GPC6: variants seen among roughly 807,000 people sequenced by gnomAD.
GPC6 encodes the protein glypican-6.
In GPC6, 14 loss-of-function variants were observed where a neutral mutation model predicts 55.2. The ratio of observed to expected loss-of-function variants is 0.25; its 90% confidence interval spans 0.17 to 0.40. The LOEUF is 0.40. Among genes scored for constraint, GPC6 ranks in the 10% least tolerant of loss-of-function variants. The pLI, the probability that GPC6 is intolerant of heterozygous loss-of-function variation, is 1.00. For synonymous variants in GPC6, 278 were observed against 259.6 expected, an observed-to-expected ratio of 1.07 and a Z score of -0.68; for missense variants, 641 against 708.5, an observed-to-expected ratio of 0.90 and a Z score of 1.08.
At chr13:94,139,605 TAGAC>T (rs1887304104) in intron 4 of GPC6, among the ~76,000 whole-genome samples, 1 of 152,200 alleles carries the variant, frequency 6.6e-6, no homozygotes, top group African/African-American at 2.4e-5. Context: ...GATGGGAAGT[TAGAC>T]AGTACCCCAC....
chr13:94,249,246 C>T (rs1388410447), intron 4 of GPC6, among the ~76,000 whole-genome samples: 1 of 152,142 alleles, frequency 6.6e-6, no homozygotes, highest in Non-Finnish European at 1.5e-5. Context: ...TGATCCCATA[C>T]CCTGCTCCTC....
intron 1 of GPC6, among the ~76,000 whole-genome samples, chr13:93,384,741 A>G (rs191072019): frequency 9.8e-5 from 15 of 152,360 alleles, no homozygotes; most frequent in Non-Finnish European, 1.6e-4. Context: ...ACACATGTCT[A>G]TGAACACTTT....
At chr13:93,829,075 G>T (rs935318426) in intron 2 of GPC6, among the ~76,000 whole-genome samples, 1 of 152,184 alleles carries the variant, frequency 6.6e-6, no homozygotes, top group African/African-American at 2.4e-5. Context: ...GCATTTCTGA[G>T]AAGGGGCATA....
At chr13:94,000,214 G>T (rs1170040994) in intron 3 of GPC6, among the ~76,000 whole-genome samples, 4 of 152,098 alleles carry the variant, frequency 2.6e-5, no homozygotes, top group African/African-American at 9.7e-5. Flanking sequence ...TGAACTGAGA[G>T]ATCCCAGTCT....
intron 2 of GPC6, among the ~76,000 whole-genome samples, chr13:93,799,843 A>G (rs1000229841): frequency 6.6e-6 from 1 of 152,178 alleles, no homozygotes; most frequent in Non-Finnish European, 1.5e-5. Flanking sequence ...TGGGGCAGGG[A>G]TCCCTAGATT....
chr13:93,281,509 A>C (rs904298682), intron 1 of GPC6, among the ~76,000 whole-genome samples: 1 of 152,190 alleles, frequency 6.6e-6, no homozygotes, highest in African/African-American at 2.4e-5. Context: ...TTTGTAAAGA[A>C]TGTTACTTTA....
chr13:93,298,615 C>CT (rs11327936), intron 1 of GPC6, among the ~76,000 whole-genome samples: 282 of 145,710 alleles, frequency 1.9e-3, no homozygotes, highest in Middle Eastern at 3.5e-3. Context: ...TTTCTTTTTT[C>CT]TTTTTTTTTT....
intron 4 of GPC6, among the ~76,000 whole-genome samples, chr13:94,214,243 A>G (rs1218872448): frequency 6.6e-6 from 1 of 152,174 alleles, no homozygotes; most frequent in Non-Finnish European, 1.5e-5. Flanking sequence ...TATGTGGAGA[A>G]TTCCCCTGTA....
intron 5 of GPC6, among the ~76,000 whole-genome samples, chr13:94,303,159 A>AT (rs1875750316): frequency 6.6e-6 from 1 of 152,152 alleles, no homozygotes; most frequent in Non-Finnish European, 1.5e-5. Flanking sequence ...CAGTTGCAAG[A>AT]TTTAATAGAG....
intron 3 of GPC6, among the ~76,000 whole-genome samples, chr13:93,883,215 G>A (rs950682887): frequency 4.6e-5 from 7 of 150,854 alleles, no homozygotes; most frequent in Non-Finnish European, 7.4e-5. Flanking sequence ...TAGAAAGAGT[G>A]GATCAAGGAA....
chr13:93,610,106 C>T (rs1239881629), intron 2 of GPC6, among the ~76,000 whole-genome samples: 1 of 152,166 alleles, frequency 6.6e-6, no homozygotes, highest in Non-Finnish European at 1.5e-5. Flanking sequence ...GGTTGAGCCA[C>T]CAATTTCATG....
rs140901852 is a variant in GPC6 at position 94,357,860 on chromosome 13, A to G, written c.1153-24554A>G. ...TGTACTACTGTCTGTTTTTATGTCT[A>G]TACCTCCACAGAAGAGAAAGCTCCT... On this transcript the variant is annotated intron_variant, in intron 6 of 8. Transcript: ENST00000377047. Among the ~76,000 whole-genome samples, 410 of 152,292 alleles carry G rather than the reference A, an allele frequency of 2.7e-3. 1 individual carries two copies. Among genetic ancestry groups the G allele is most frequent in the African/African-American group, 9.4e-3 (389 of 41,546 alleles).
At chr13:93,823,812 G>A (rs1052734444) in intron 2 of GPC6, among the ~76,000 whole-genome samples, 2 of 152,076 alleles carry the variant, frequency 1.3e-5, no homozygotes, top group African/African-American at 4.8e-5. Context: ...AGATCACTTT[G>A]AAATTACATA....
intron 1 of GPC6, among the ~76,000 whole-genome samples, chr13:93,443,454 T>G (rs1877880285): frequency 6.6e-6 from 1 of 152,198 alleles, no homozygotes; most frequent in Non-Finnish European, 1.5e-5. Flanking sequence ...CACATTTTGT[T>G]AAGCACCTTG....
At chr13:94,309,329 T>G (rs1371918024) in intron 6 of GPC6, among the ~76,000 whole-genome samples, 4 of 152,168 alleles carry the variant, frequency 2.6e-5, no homozygotes, top group Admixed American at 1.3e-4. Flanking sequence ...TTGGGCCCTG[T>G]TGGTAAATGT....
At chr13:94,227,395 A>G (rs9561515) in intron 4 of GPC6, among the ~76,000 whole-genome samples, 8,901 of 152,238 alleles carry the variant, frequency 0.058, 296 homozygotes, top group East Asian at 0.13. Flanking sequence ...TTTTAAATTA[A>G]ATGGATTATT....
chr13:93,844,275 A>C (rs1178500063), intron 3 of GPC6, among the ~76,000 whole-genome samples: 12 of 152,040 alleles, frequency 7.9e-5, no homozygotes, highest in Admixed American at 7.2e-4. Context: ...AGTAGCTGGG[A>C]CTACAGGCAT....
intron 2 of GPC6, among the ~76,000 whole-genome samples, chr13:93,555,373 A>G (rs1325106458): frequency 6.6e-6 from 1 of 152,200 alleles, no homozygotes; most frequent in African/African-American, 2.4e-5. Flanking sequence ...ACCTGACTTA[A>G]TATGAAGTAT....
chr13:93,625,731 G>C (rs944271139), intron 2 of GPC6, among the ~76,000 whole-genome samples: 2 of 152,290 alleles, frequency 1.3e-5, no homozygotes, highest in Admixed American at 1.3e-4. Flanking sequence ...AGGACAATCA[G>C]AACAGCCAAC....
Sources: allele counts gnomAD v4.1 joint callset (sites outside exome capture counted in the v4.1 genomes callset), GRCh38; gene constraint gnomAD v4.1.1; transcripts MANE v1.5; gene names NCBI Gene and HGNC (gene_info 2026-07-23, HGNC 2026-07-21).